Variants in COL14A1 observed in about 807,000 individuals in gnomAD.
The protein encoded by COL14A1 is collagen alpha-1(XIV) chain.
Under a neutral mutation model 230.3 loss-of-function variants are expected in COL14A1, and 136 were observed. The observed-to-expected ratio is 0.59, with a 90% CI of 0.51 to 0.68. The LOEUF is 0.68. Among genes scored for constraint, COL14A1 ranks in the 30% least tolerant of loss-of-function variants. The probability of loss-of-function intolerance (pLI) is 0.00; values close to 1 mark genes in which losing one functional copy is unlikely to be tolerated. For synonymous variants in COL14A1, 792 were observed against 784.1 expected, an observed-to-expected ratio of 1.01 and a Z score of -0.17; for missense variants, 1,976 against 2,215.8, an observed-to-expected ratio of 0.89 and a Z score of 2.17.
intron 23 of COL14A1, among the ~76,000 whole-genome samples, chr8:120,258,467 C>T (rs1306016888): frequency 2.6e-5 from 4 of 152,086 alleles, no homozygotes; most frequent in Non-Finnish European, 2.9e-5. Flanking sequence ...GCCTTCCACC[C>T]CTGTATCTGG....
intron 4 of COL14A1, among the ~76,000 whole-genome samples, chr8:120,163,726 G>A (rs1380694838): frequency 4.6e-5 from 7 of 152,110 alleles, no homozygotes; most frequent in African/African-American, 1.2e-4. Flanking sequence ...TTGCGCCATC[G>A]CCCTCCAGCC....
intron 45 of COL14A1, among the ~76,000 whole-genome samples, chr8:120,351,322 A>G (rs1431522600): frequency 7.2e-6 from 1 of 138,376 alleles, no homozygotes; most frequent in Non-Finnish European, 1.5e-5. Flanking sequence ...ATCACAATTA[A>G]AAGAACTAGA....
chr8:120,208,367 T>C lies in COL14A1; in HGVS notation c.1321+6T>C. The C allele has an allele frequency of 2.5e-6, 4 of 1,611,150 alleles. No homozygotes were observed. Among genetic ancestry groups the C allele is most frequent in the Non-Finnish European group, 3.4e-6 (4 of 1,178,482 alleles). On this transcript the variant is annotated splice_donor_region_variant and intron_variant, in intron 11 of 47. Transcript: ENST00000297848. The stretch of plus-strand genomic sequence containing the variant: ...ACGGGGAACTGAAACTACACGTATG[T>C]ATTTAATTCTACCCCACTTCTAACT...
chr8:120,177,679 A>G (rs1816327977), intron 5 of COL14A1, among the ~76,000 whole-genome samples: 1 of 136,608 alleles, frequency 7.3e-6, no homozygotes, highest in African/African-American at 2.6e-5. Context: ...AAAAGACTGT[A>G]TACATATAAA....
At chr8:120,198,869 C>A (rs1396680151) in intron 7 of COL14A1, among the ~76,000 whole-genome samples, 1 of 152,162 alleles carries the variant, frequency 6.6e-6, no homozygotes, top group African/African-American at 2.4e-5. Context: ...ATGCAGCAAA[C>A]AATTTATTGA....
At chr8:120,159,604 T>A (rs764214043) in intron 3 of COL14A1, among the ~76,000 whole-genome samples, 9 of 152,168 alleles carry the variant, frequency 5.9e-5, no homozygotes, top group Non-Finnish European at 1.0e-4. Context: ...ACTCAACAGT[T>A]GACGTAAACA....
At chr8:120,287,743 CTCA>C in intron 33 of COL14A1, among the ~76,000 whole-genome samples, 1 of 152,178 alleles carries the variant, frequency 6.6e-6, no homozygotes. Context: ...AAAAAGGCTT[CTCA>C]TGTGACAAAA....
At chr8:120,369,252 A>T (rs1041445948) in intron 46 of COL14A1, 78 bp from the exon 47 acceptor site, 1 of 1,401,940 alleles carries the variant, frequency 7.1e-7, no homozygotes, top group African/African-American at 1.5e-5. Flanking sequence ...TCTAAGAGTT[A>T]GTTTACTTCT....
chr8:120,150,282 T>G (rs1215234590), intron 2 of COL14A1, among the ~76,000 whole-genome samples: 1 of 152,176 alleles, frequency 6.6e-6, no homozygotes, highest in Non-Finnish European at 1.5e-5. Flanking sequence ...ATTCTCATAT[T>G]TGCAACTCAT....
At chr8:120,168,418 C>A (rs1815985681) in intron 5 of COL14A1, among the ~76,000 whole-genome samples, 171 bp downstream of exon 5, 1 of 152,142 alleles carries the variant, frequency 6.6e-6, no homozygotes, top group South Asian at 2.1e-4. Context: ...TGACCCCCAA[C>A]CACTTGGCAC....
At chr8:120,229,054 T>G (rs1818179292) in intron 18 of COL14A1, among the ~76,000 whole-genome samples, 1 of 151,630 alleles carries the variant, frequency 6.6e-6, no homozygotes, top group African/African-American at 2.4e-5. Context: ...CGTAGCTGCC[T>G]CCCCAGGGGT....
intron 18 of COL14A1, among the ~76,000 whole-genome samples, chr8:120,230,540 C>T (rs1818235409): frequency 6.6e-6 from 1 of 152,050 alleles, no homozygotes; most frequent in Non-Finnish European, 1.5e-5. Flanking sequence ...ATTTCCTATG[C>T]TTCCCCCGTT....
At chr8:120,260,310 A>G (rs1262901272) in intron 23 of COL14A1, among the ~76,000 whole-genome samples, 2 of 152,078 alleles carry the variant, frequency 1.3e-5, no homozygotes, top group Non-Finnish European at 2.9e-5. Flanking sequence ...TCTTTGCTTC[A>G]ATATATGCAT....
rs76200748 is a variant in COL14A1, at chr8:120,266,542, A to G, written c.3017-285A>G. Among the ~76,000 whole-genome samples, 2,969 of 152,156 alleles carry G rather than the reference A, an allele frequency of 0.02. 95 individuals are homozygous for G. The highest frequency in any genetic ancestry group is 0.068 in the African/African-American group (2,828 of 41,514). ...AATGGGTTGGCAGGATTCCTGCCTT[A>G]AATCAACATTAGAACCACTTTGTAG... On this transcript the variant is annotated intron_variant, in intron 24 of 47. Transcript: ENST00000297848.
chr8:120,142,737 G>A (rs1264487159), intron 1 of COL14A1, among the ~76,000 whole-genome samples: 2 of 151,954 alleles, frequency 1.3e-5, no homozygotes, highest in African/African-American at 4.8e-5. Flanking sequence ...TTTATTGCAG[G>A]ACCTTAACTT....
rs1036460822 is a variant in COL14A1 at position 120,369,423 on chromosome 8, A to T, written c.5249A>T (p.Gln1750Leu). ...PPGHLGVPGP[Q>L]GPSGQPGYCD... ...GGTCATCTGGGGGTTCCTGGACCCC[A>T]AGGTCCTTCTGGCCAGCCTGGATAT... Residue 1750 changes from glutamine to leucine, a missense_variant, in exon 47 of 48, where the codon CAA becomes CTA. By Grantham distance (113) the Gln-to-Leu change is moderately radical. Transcript: ENST00000297848. The T allele has an allele frequency of 5.0e-6, 8 of 1,610,746 alleles. No individual in the cohort carries two copies. Among genetic ancestry groups the T allele is most frequent in the Non-Finnish European group, 6.8e-6 (8 of 1,178,544 alleles).
intron 18 of COL14A1, 54 bp from the exon 19 acceptor site, chr8:120,231,413 T>C: frequency 6.3e-7 from 1 of 1,576,570 alleles, no homozygotes; most frequent in Non-Finnish European, 8.6e-7. Flanking sequence ...CTGTGGCTCA[T>C]TTTGGAATAT....
intron 34 of COL14A1, among the ~76,000 whole-genome samples, chr8:120,293,000 T>C (rs1298232424): frequency 6.6e-6 from 1 of 152,098 alleles, no homozygotes; most frequent in Non-Finnish European, 1.5e-5. Context: ...TTAACTTAGC[T>C]GTCTAAATAC....
intron 45 of COL14A1, among the ~76,000 whole-genome samples, chr8:120,365,038 C>T (rs569222930): frequency 6.6e-6 from 1 of 151,546 alleles, no homozygotes; most frequent in East Asian, 1.9e-4. Context: ...GAGGCTAGTT[C>T]TCTCTTCTTA....
Sources: gnomAD v4.1 joint callset for allele counts (sites outside exome capture counted in the v4.1 genomes callset) on GRCh38, gnomAD v4.1.1 for gene constraint, MANE v1.5 for transcripts, NCBI Gene and HGNC (gene_info 2026-07-23, HGNC 2026-07-21) for gene names.